The following IQCK variants were observed in gnomAD, a reference collection of about 807,000 sequenced individuals.
IQCK encodes IQ domain-containing protein K.
IQCK carries 29 observed loss-of-function variants against 28.1 expected under a neutral mutation model. The ratio of observed to expected loss-of-function variants is 1.03; its 90% confidence interval spans 0.77 to 1.41. IQCK has a LOEUF of 1.41. Among genes scored for constraint, IQCK ranks in the 40% most tolerant of loss-of-function variants. The pLI is 0.00. For missense variants in IQCK, 359 were observed against 314.7 expected (o/e 1.14, Z -1.07); for synonymous variants, 113 against 115.1 (o/e 0.98, Z 0.12).
At chr16:19,804,549 C>G (rs542477549) in intron 7 of IQCK, among the ~76,000 whole-genome samples, 10 of 151,910 alleles carry the variant, frequency 6.6e-5, no homozygotes, top group Non-Finnish European at 1.5e-4. Flanking sequence ...ACAGCCCTCC[C>G]AGTTCAGCCT....
At chr16:19,781,341 C>T (rs1344275672) in intron 6 of IQCK, among the ~76,000 whole-genome samples, 4 of 152,110 alleles carry the variant, frequency 2.6e-5, no homozygotes, top group South Asian at 2.1e-4. Flanking sequence ...TATCTGGACA[C>T]GTATGCAGCT....
chr16:19,744,897 C>T (rs1246958679), intron 4 of IQCK, among the ~76,000 whole-genome samples: 1 of 152,156 alleles, frequency 6.6e-6, no homozygotes, highest in Non-Finnish European at 1.5e-5. Flanking sequence ...ACAATAGATA[C>T]TGTACAGACA....
chr16:19,753,247 CAAA>C (rs562470295), intron 4 of IQCK, among the ~76,000 whole-genome samples: 1 of 122,606 alleles, frequency 8.2e-6, no homozygotes, highest in Non-Finnish European at 1.8e-5. Flanking sequence ...CCTATCTCTA[CAAA>C]AAAAAAAAAA....
At chr16:19,853,937 ACTCT>A (rs1372564570) in intron 9 of IQCK, among the ~76,000 whole-genome samples, 2 of 152,058 alleles carry the variant, frequency 1.3e-5, no homozygotes, top group Admixed American at 1.3e-4. Flanking sequence ...CTGTCTGCCA[ACTCT>A]CTCTCTAGCA....
At chr16:19,814,948 G>A (rs911332939) in intron 7 of IQCK, among the ~76,000 whole-genome samples, 3 of 151,646 alleles carry the variant, frequency 2.0e-5, no homozygotes, top group Non-Finnish European at 4.4e-5. Flanking sequence ...CACCACACTT[G>A]TCTAAAATTT....
At chr16:19,778,492 A>G (rs1363081358) in intron 6 of IQCK, among the ~76,000 whole-genome samples, 5 of 151,966 alleles carry the variant, frequency 3.3e-5, no homozygotes, top group East Asian at 1.9e-4. Context: ...CCCTATCTCT[A>G]CAAAACATTT....
At chr16:19,771,635 T>A (rs1194093961) in intron 6 of IQCK, among the ~76,000 whole-genome samples, 2 of 152,214 alleles carry the variant, frequency 1.3e-5, no homozygotes, top group Non-Finnish European at 2.9e-5. Flanking sequence ...ACCGAAGAGC[T>A]GGCCTCCCAG....
intron 7 of IQCK, among the ~76,000 whole-genome samples, chr16:19,810,496 CA>C (rs557787682): frequency 0.017 from 1,862 of 107,636 alleles, 33 homozygotes; most frequent in African/African-American, 0.055. Context: ...GACTCCGTCT[CA>C]AAAAAAAAAA....
chr16:19,739,136 C>T (rs1018612499), intron 4 of IQCK, among the ~76,000 whole-genome samples: 53 of 152,168 alleles, frequency 3.5e-4, no homozygotes, highest in Non-Finnish European at 3.7e-4. Flanking sequence ...TATCATGTAG[C>T]CCTTGCAGGT....
chr16:19,803,116 CTTTTTTGTTT>C (rs1466808246), intron 7 of IQCK, among the ~76,000 whole-genome samples: 2 of 152,018 alleles, frequency 1.3e-5, no homozygotes, highest in Middle Eastern at 3.4e-3. Flanking sequence ...CTATTGTTGG[CTTTTTTGTTT>C]TGTTTTGTTT....
intron 7 of IQCK, among the ~76,000 whole-genome samples, chr16:19,810,776 A>T: frequency 6.6e-6 from 1 of 151,888 alleles, no homozygotes; most frequent in Non-Finnish European, 1.5e-5. Context: ...ACTGCACTTC[A>T]GCCTGGGTGA....
At chr16:19,779,723 A>G (rs1039790297) in intron 6 of IQCK, among the ~76,000 whole-genome samples, 1 of 149,760 alleles carries the variant, frequency 6.7e-6, no homozygotes, top group Non-Finnish European at 1.5e-5. Flanking sequence ...TTATTTATTT[A>G]TTTATTTTTT....
At chr16:19,843,903 C>A (rs1389156331) in intron 9 of IQCK, among the ~76,000 whole-genome samples, 1 of 152,114 alleles carries the variant, frequency 6.6e-6, no homozygotes, top group Non-Finnish European at 1.5e-5. Context: ...CATATGAATT[C>A]TGAGGGACAT....
chr16:19,751,798 G>A (rs534077003), intron 4 of IQCK, among the ~76,000 whole-genome samples: 2 of 152,224 alleles, frequency 1.3e-5, no homozygotes, highest in Admixed American at 1.3e-4. Context: ...TTGATCCTGA[G>A]ATCAAAATCT....
chr16:19,786,666 C>G (rs2055565824), intron 6 of IQCK, among the ~76,000 whole-genome samples: 1 of 142,788 alleles, frequency 7.0e-6, no homozygotes, highest in Non-Finnish European at 1.5e-5. Flanking sequence ...CCACTGTACT[C>G]TAGCCTGGGG....
intron 1 of IQCK, among the ~76,000 whole-genome samples, chr16:19,720,491 C>T (rs946166121): frequency 6.6e-6 from 1 of 152,214 alleles, no homozygotes; most frequent in Non-Finnish European, 1.5e-5. Context: ...CCTCACAGGG[C>T]TGTTGTGGGG....
chr16:19,834,313 G>A (rs754356689), intron 9 of IQCK, among the ~76,000 whole-genome samples: 5 of 152,146 alleles, frequency 3.3e-5, no homozygotes, highest in Non-Finnish European at 7.4e-5. Flanking sequence ...GTACAGATGA[G>A]GAAACCGGGG....
chr16:19,764,782 C>G (rs1383953822), intron 6 of IQCK, among the ~76,000 whole-genome samples: 1 of 150,218 alleles, frequency 6.7e-6, no homozygotes, highest in African/African-American at 2.4e-5. Flanking sequence ...GCTCCACCTC[C>G]CGGGTTCATG....
chr16:19,807,158 A>G (rs1159288695), intron 7 of IQCK, among the ~76,000 whole-genome samples: 1 of 152,166 alleles, frequency 6.6e-6, no homozygotes, highest in African/African-American at 2.4e-5. Flanking sequence ...CCTACATGGC[A>G]AGAAACTGAG....
Sources: allele counts gnomAD v4.1 joint callset (sites outside exome capture counted in the v4.1 genomes callset), GRCh38; gene constraint gnomAD v4.1.1; transcripts MANE v1.5; gene names NCBI Gene and HGNC (gene_info 2026-07-23, HGNC 2026-07-21).